SHISA9: variants seen among roughly 807,000 people sequenced by gnomAD.
The protein encoded by SHISA9 is shisa family member 9.
Under a neutral mutation model 38.0 loss-of-function variants are expected in SHISA9, and 13 were observed. That is an observed-to-expected ratio of 0.34 (90% confidence interval 0.22 to 0.54). SHISA9 has a LOEUF of 0.54. Ranked by LOEUF, SHISA9 falls within the 20% of genes least tolerant of loss-of-function variation. SHISA9 has a pLI of 0.91. For missense variants in SHISA9, 538 were observed against 575.8 expected, an observed-to-expected ratio of 0.93 and a Z score of 0.67; for synonymous variants, 275 against 242.0, an observed-to-expected ratio of 1.14 and a Z score of -1.27.
In SHISA9 at chr16:13,240,267, A is replaced by G. The variant is rs2051424105; in HGVS notation, c.*4858A>G. Reference sequence around the variant, plus strand: ...AGTAAACCTGTGTTAATACTTGTCAACAACTGCAGAGTTTATGATACGAAT... The same window carrying G: ...AGTAAACCTGTGTTAATACTTGTCAGCAACTGCAGAGTTTATGATACGAAT... On this transcript the variant is annotated 3_prime_UTR_variant, in exon 5 of 5. Coordinates refer to ENST00000558583, the MANE Select transcript of SHISA9 (RefSeq NM_001145204.3). 1 of 152,256 alleles carries G rather than the reference A, an allele frequency of 6.6e-6. No homozygotes were observed. Among genetic ancestry groups the G allele is most frequent in the Admixed American group, 6.5e-5 (1 of 15,286 alleles). 9.4% of individuals were successfully genotyped at this position (152,256 alleles called of 1,614,324 possible).
intron 2 of SHISA9, among the ~76,000 whole-genome samples, chr16:12,941,066 T>C (rs2071604117): frequency 6.6e-6 from 1 of 152,186 alleles, no homozygotes; most frequent in African/African-American, 2.4e-5. Flanking sequence ...GTTTAAAACT[T>C]TTTGGCCAGG....
the SHISA9 span, among the ~76,000 whole-genome samples, chr16:13,388,298 AGAATTTGGG>A: frequency 1.3e-5 from 2 of 151,346 alleles, no homozygotes; most frequent in Non-Finnish European, 2.9e-5. Flanking sequence ...GGGAAATCCC[AGAATTTGGG>A]GAATTTTTTT....
intron 2 of SHISA9, among the ~76,000 whole-genome samples, chr16:13,181,300 TATATATATATATAC>T (rs1201952284): frequency 1.9e-3 from 79 of 40,946 alleles, no homozygotes; most frequent in South Asian, 6.8e-3. Context: ...TATATATATA[TATATATATATATAC>T]ACACACACAC....
At chr16:13,471,979 A>G in the SHISA9 span, among the ~76,000 whole-genome samples, 244 of 152,326 alleles carry the variant, frequency 1.6e-3, 2 homozygotes, top group Middle Eastern at 6.8e-3. Context: ...GAGTGACCCA[A>G]GCTCTACATG....
intron 2 of SHISA9, among the ~76,000 whole-genome samples, chr16:12,998,992 A>G (rs561178071): frequency 7.1e-4 from 108 of 152,286 alleles, no homozygotes; most frequent in African/African-American, 2.3e-3. Flanking sequence ...TTGTCATCCA[A>G]TCAATACATA....
chr16:12,981,124 T>G (rs935354690), intron 2 of SHISA9, among the ~76,000 whole-genome samples: 1 of 152,164 alleles, frequency 6.6e-6, no homozygotes, highest in African/African-American at 2.4e-5. Context: ...ACCCTGGAGG[T>G]ATTGGGTACT....
At position 13,227,324 on chromosome 16, in the gene SHISA9, G is replaced by C. The variant is rs562907450; in HGVS notation, c.896-7706G>C. Among the ~76,000 whole-genome samples the C allele has an allele frequency of 3.3e-5, 5 of 152,230 alleles. No individual in the cohort carries two copies. In the South Asian group the frequency reaches 8.3e-4, roughly 25 times the overall value. ...TTACTGAAGTAGAACAATGTTCAAA[G>C]GGGGTAGGAGAAAGGGAATAGGTTA... On this transcript the variant is annotated intron_variant, in intron 4 of 4. Coordinates refer to ENST00000558583, the MANE Select transcript of SHISA9 (RefSeq NM_001145204.3).
intron 2 of SHISA9, among the ~76,000 whole-genome samples, chr16:13,079,872 T>C (rs182521605): frequency 5.9e-5 from 9 of 152,200 alleles, no homozygotes; most frequent in African/African-American, 2.2e-4. Context: ...AACATATAAT[T>C]ATGGTTTAAA....
At chr16:13,259,713 G>T in the SHISA9 span, among the ~76,000 whole-genome samples, 5 of 152,298 alleles carry the variant, frequency 3.3e-5, no homozygotes, top group South Asian at 2.1e-4. Context: ...CTGAAGCCAC[G>T]GTCCAAGCCG....
the SHISA9 span, among the ~76,000 whole-genome samples, chr16:13,482,043 C>T: frequency 1.3e-5 from 2 of 152,172 alleles, no homozygotes; most frequent in Admixed American, 1.3e-4. Flanking sequence ...TTCCACTGGC[C>T]CTTCCAGATC....
intron 2 of SHISA9, among the ~76,000 whole-genome samples, chr16:13,132,395 T>C (rs1314404615): frequency 6.6e-6 from 1 of 152,212 alleles, no homozygotes; most frequent in Non-Finnish European, 1.5e-5. Context: ...TGACTTCATG[T>C]ATTTACTGCT....
At chr16:13,538,655 CAA>C in the SHISA9 span, among the ~76,000 whole-genome samples, 1 of 152,118 alleles carries the variant, frequency 6.6e-6, no homozygotes, top group Admixed American at 6.5e-5. Flanking sequence ...AACCAAGAAA[CAA>C]GATGAAAAAG....
chr16:13,172,044 C>A (rs1366556989), intron 2 of SHISA9, among the ~76,000 whole-genome samples: 2 of 152,140 alleles, frequency 1.3e-5, no homozygotes, highest in East Asian at 3.9e-4. Context: ...TTCCCACTTT[C>A]TCTCCTTCCC....
At chr16:13,549,408 C>T in the SHISA9 span, among the ~76,000 whole-genome samples, 9 of 152,074 alleles carry the variant, frequency 5.9e-5, no homozygotes, top group Non-Finnish European at 1.0e-4. Context: ...GGTATTGAAA[C>T]AGCACACTGT....
At chr16:12,964,088 A>G (rs1472852096) in intron 2 of SHISA9, among the ~76,000 whole-genome samples, 1 of 152,220 alleles carries the variant, frequency 6.6e-6, no homozygotes, top group African/African-American at 2.4e-5. Flanking sequence ...TTGCTGCTGA[A>G]GTTGGGCCAG....
At chr16:13,371,342 A>G in the SHISA9 span, among the ~76,000 whole-genome samples, 1 of 152,184 alleles carries the variant, frequency 6.6e-6, no homozygotes, top group African/African-American at 2.4e-5. Context: ...CAATAGGTCT[A>G]GGGGTGGATC....
At chr16:13,231,833 C>T (rs534029261) in intron 4 of SHISA9, among the ~76,000 whole-genome samples, 1 of 152,326 alleles carries the variant, frequency 6.6e-6, no homozygotes, top group South Asian at 2.1e-4. Flanking sequence ...CCAAGGGTTT[C>T]CGTCTGTGGC....
the SHISA9 span, among the ~76,000 whole-genome samples, chr16:13,288,374 G>A: frequency 1.3e-5 from 2 of 152,134 alleles, no homozygotes; most frequent in Non-Finnish European, 2.9e-5. Flanking sequence ...CTGGCTCACA[G>A]AGGACGGCCT....
chr16:13,156,319 A>C (rs1188233363), intron 2 of SHISA9, among the ~76,000 whole-genome samples: 1 of 152,220 alleles, frequency 6.6e-6, no homozygotes, highest in South Asian at 2.1e-4. Context: ...CATGCTTAGC[A>C]CTGAGCCTGG....
Sources: allele counts gnomAD v4.1 joint callset (sites outside exome capture counted in the v4.1 genomes callset), GRCh38; gene constraint gnomAD v4.1.1; transcripts MANE v1.5; gene names NCBI Gene and HGNC (gene_info 2026-07-23, HGNC 2026-07-21).